IMPG1: variants seen among roughly 807,000 people sequenced by gnomAD.
The protein encoded by IMPG1 is interphotoreceptor matrix proteoglycan of 150 kDa.
In IMPG1, 85 loss-of-function variants were observed where a neutral mutation model predicts 92.0. That is an observed-to-expected ratio of 0.92 (90% CI 0.78 to 1.11). The LOEUF is 1.11. Among genes scored for constraint, IMPG1 ranks in the 50% least tolerant of loss-of-function variants. The pLI is 0.00. For missense variants in IMPG1, 1,022 were observed against 956.0 expected (o/e 1.07, Z -0.91); for synonymous variants, 367 against 334.1 (o/e 1.10, Z -1.08).
At chr6:76,020,629 C>T (rs1201745544) in intron 6 of IMPG1, among the ~76,000 whole-genome samples, 2 of 152,098 alleles carry the variant, frequency 1.3e-5, no homozygotes, top group East Asian at 3.9e-4. Flanking sequence ...TTCTAGTCTG[C>T]CACTCCTTAT....
At chr6:76,026,937 A>G (rs1387006915) in intron 4 of IMPG1, among the ~76,000 whole-genome samples, 2 of 152,172 alleles carry the variant, frequency 1.3e-5, no homozygotes, top group Admixed American at 1.3e-4. Flanking sequence ...CAATATCTGC[A>G]TGTTTTTCTA....
intron 2 of IMPG1, among the ~76,000 whole-genome samples, chr6:76,036,526 A>C (rs1783744766): frequency 6.6e-6 from 1 of 152,230 alleles, no homozygotes; most frequent in Non-Finnish European, 1.5e-5. Context: ...TCCAGAAGAA[A>C]TTTCTTTTTA....
chr6:75,974,301 TTTC>T (rs969737577), intron 12 of IMPG1, among the ~76,000 whole-genome samples: 7 of 149,810 alleles, frequency 4.7e-5, no homozygotes, highest in African/African-American at 1.5e-4. Context: ...TTCTCTTTCT[TTTC>T]TTTTCTTTCT....
At position 76,015,983 on chromosome 6, in the gene IMPG1, A is replaced by AT. The variant is rs1324456145; in HGVS notation, c.807+2734_807+2735insA. ...TGGAATCTTGGCTTTGCCAGACAATAAAAGTGGCACCGTTGGACATATTAA... is the reference window on the plus strand; with the variant it reads ...TGGAATCTTGGCTTTGCCAGACAATATAAAGTGGCACCGTTGGACATATTAA... On this transcript the variant is annotated intron_variant, in intron 7 of 16. Coordinates refer to ENST00000369950, the MANE Select transcript of IMPG1 (RefSeq NM_001563.4). 2.0e-5 allele frequency among the ~76,000 whole-genome samples: 3 copies of AT among 152,250 alleles called. No homozygotes were observed. The South Asian group carries it at 6.2e-4, about 32-fold the overall frequency.
chr6:75,994,448 A>G (rs1349900039), intron 12 of IMPG1, among the ~76,000 whole-genome samples: 1 of 152,190 alleles, frequency 6.6e-6, no homozygotes, highest in Admixed American at 6.5e-5. Flanking sequence ...CATAATGGAT[A>G]CTGTATTAGT....
intron 1 of IMPG1, among the ~76,000 whole-genome samples, chr6:76,043,474 G>A (rs1159614439): frequency 9.9e-6 from 1 of 100,660 alleles, no homozygotes; most frequent in Non-Finnish European, 2.5e-5. Context: ...AAGTCTCAGA[G>A]TGCCCTGTGT....
intron 12 of IMPG1, among the ~76,000 whole-genome samples, chr6:75,974,393 T>TCCTTCCTTGCTTCC: frequency 1.5e-5 from 1 of 65,030 alleles, no homozygotes; most frequent in African/African-American, 5.9e-5. Flanking sequence ...CTTTCTTTCT[T>TCCTTCCTTGCTTCC]TTCTTTCTTT....
At chr6:75,924,140 T>C (rs1781479647) in intron 15 of IMPG1, among the ~76,000 whole-genome samples, 1 of 151,806 alleles carries the variant, frequency 6.6e-6, no homozygotes, top group African/African-American at 2.4e-5. Flanking sequence ...TATGCCCTGA[T>C]GGTGGGAATA....
At chr6:75,973,742 C>T (rs1017444686) in intron 12 of IMPG1, among the ~76,000 whole-genome samples, 2 of 152,142 alleles carry the variant, frequency 1.3e-5, no homozygotes, top group Non-Finnish European at 2.9e-5. Context: ...ACAGACTTAG[C>T]CTTTGTCTTC....
chr6:76,037,210 A>G (rs1783756340), intron 2 of IMPG1, among the ~76,000 whole-genome samples: 1 of 152,316 alleles, frequency 6.6e-6, no homozygotes, highest in African/African-American at 2.4e-5. Flanking sequence ...CTCCCCACTT[A>G]TTCCATGTCT....
intron 7 of IMPG1, among the ~76,000 whole-genome samples, chr6:76,015,205 T>G (rs1458880016): frequency 1.3e-5 from 2 of 152,314 alleles, no homozygotes; most frequent in South Asian, 2.1e-4. Context: ...TTAGGTTTAT[T>G]GTGGAAATTA....
rs1483353482 is a variant in IMPG1, at chr6:76,002,996, C to T, written c.1213G>A (p.Asp405Asn). 1.2e-6 allele frequency: 2 copies of T among 1,611,444 alleles called. No individual in the cohort carries two copies. The highest frequency in any genetic ancestry group is 8.5e-7 in the Non-Finnish European group (1 of 1,177,830). The part of the protein sequence containing the change: ...LPTSFAVITE[D>N]ATLSPELPPV... ...GGAAGTTCTGGACTCAAAGTAGCAT[C>T]CTGAAGAATGAATTTTGCAAGACAG... is the stretch of plus-strand genomic sequence containing the variant. Residue 405 changes from aspartate (D) to asparagine (N), a missense_variant and splice_region_variant, in exon 12 of 17, where the codon GAT becomes AAT. Asp to Asn is a conservative substitution (Grantham distance 23). Around this residue, in one of 3 missense-constraint regions of IMPG1, gnomAD observed 681 missense variants for 583.6 expected, o/e 1.17. Coordinates refer to ENST00000369950, the MANE Select transcript of IMPG1 (RefSeq NM_001563.4).
At chr6:76,055,080 A>G (rs1784098687) in intron 1 of IMPG1, among the ~76,000 whole-genome samples, 1 of 152,066 alleles carries the variant, frequency 6.6e-6, no homozygotes, top group South Asian at 2.1e-4. Context: ...CCTAATGGAC[A>G]TGTATGAGGC....
At chr6:76,051,458 G>A (rs1182705614) in intron 1 of IMPG1, among the ~76,000 whole-genome samples, 1 of 152,160 alleles carries the variant, frequency 6.6e-6, no homozygotes, top group Non-Finnish European at 1.5e-5. Flanking sequence ...TGTCCCACTT[G>A]CCCTCCTACA....
At chr6:75,983,595 A>G (rs1312977614) in intron 12 of IMPG1, among the ~76,000 whole-genome samples, 9 of 152,212 alleles carry the variant, frequency 5.9e-5, no homozygotes, top group African/African-American at 2.2e-4. Flanking sequence ...TTAAAGACTT[A>G]AATGTAAAAC....
intron 12 of IMPG1, among the ~76,000 whole-genome samples, chr6:75,965,765 G>T (rs1259321713): frequency 6.6e-6 from 1 of 151,932 alleles, no homozygotes; most frequent in African/African-American, 2.4e-5. Context: ...CTGCCATCAC[G>T]CCCAGCTAAT....
intron 12 of IMPG1, among the ~76,000 whole-genome samples, chr6:75,970,109 G>A (rs1259579507): frequency 6.6e-6 from 1 of 152,108 alleles, no homozygotes; most frequent in African/African-American, 2.4e-5. Flanking sequence ...TTATGTTCTA[G>A]ACACTGTACA....
At chr6:76,058,829 T>C (rs146594451) in intron 1 of IMPG1, among the ~76,000 whole-genome samples, 215 of 152,292 alleles carry the variant, frequency 1.4e-3, no homozygotes, top group Middle Eastern at 0.01. Context: ...CTAATAAAAC[T>C]TGTAGGCTCA....
intron 12 of IMPG1, among the ~76,000 whole-genome samples, chr6:75,956,951 G>A (rs140118542): frequency 0.048 from 7,331 of 152,064 alleles, 194 homozygotes; most frequent in East Asian, 0.1. Flanking sequence ...ATGGAGTCTT[G>A]CTCTGTCACC....
Sources: gnomAD v4.1 joint callset for allele counts (sites outside exome capture counted in the v4.1 genomes callset) on GRCh38, gnomAD v4.1.1 for gene constraint, gnomAD v4.1.1 regional missense constraint, MANE v1.5 for transcripts, NCBI Gene and HGNC (gene_info 2026-07-23, HGNC 2026-07-21) for gene names.